Variants in PARP1 observed in about 807,000 individuals in gnomAD.
The protein encoded by PARP1 is poly [ADP-ribose] polymerase 1.
PARP1 carries 44 observed loss-of-function variants against 118.7 expected under a neutral mutation model. The observed-to-expected ratio is 0.37, with a 90% confidence interval of 0.29 to 0.48. PARP1 has a LOEUF of 0.48. Among genes scored for constraint, PARP1 ranks in the 20% least tolerant of loss-of-function variants. PARP1 has a pLI of 0.99. For missense variants in PARP1, 1,100 were observed against 1,272.4 expected (o/e 0.86, Z 2.06); for synonymous variants, 492 against 483.2 (o/e 1.02, Z -0.24).
chr1:226,406,194 T>C (rs1244965540), intron 1 of PARP1, among the ~76,000 whole-genome samples: 1 of 152,198 alleles, frequency 6.6e-6, no homozygotes, highest in Non-Finnish European at 1.5e-5. Context: ...TAGGGACTGC[T>C]AATATGCCTT....
At position 226,407,908 on chromosome 1, in the gene PARP1, G is replaced by A. The variant is rs1341567065; in HGVS notation, c.22C>T (p.Leu8Phe). The A allele has an allele frequency of 1.9e-6, 3 of 1,612,410 alleles. No homozygotes were observed. Among genetic ancestry groups the A allele is most frequent in the South Asian group, 2.2e-5 (2 of 91,036 alleles). ...CTCTTGGCGTACTCGACTCGATAGA[G>A]CTTATCCGAAGACTCCGCCATCCTC... is the stretch of plus-strand genomic sequence containing the variant. MAESSDK[L>F]YRVEYAKSGR... The change falls in exon 1 of 23, where the codon CTC (leucine) becomes TTC (phenylalanine). Residue 8 changes from leucine (L) to phenylalanine (F), a missense_variant. Leu to Phe is a conservative substitution (Grantham distance 22). Around this residue, in one of 2 missense-constraint regions of PARP1, gnomAD observed 948 missense variants for 1,031.8 expected, o/e 0.92. Coordinates refer to ENST00000366794, the MANE Select transcript of PARP1 (RefSeq NM_001618.4).
chr1:226,382,931 G>C lies in PARP1; in HGVS notation c.1159+105C>G, dbSNP rs982153275. 3.0e-6 allele frequency: 4 copies of C among 1,320,012 alleles called. No individual in the cohort carries two copies. In the African/African-American group the frequency reaches 4.3e-5, roughly 14 times the overall value. The allele number at this position is 1,320,012 out of a possible 1,614,324, so 81.8% of individuals were successfully genotyped here. A position where few individuals can be genotyped will look rare whatever the true frequency, so the allele number is the denominator to read the frequency against. On this transcript the variant is annotated intron_variant, in intron 8 of 22. Transcript: ENST00000366794. ...TTCCCCATGGTGGGGTCAGCAAAGA[G>C]AGACCCTTGACGGATACTTTCTTCA...
chr1:226,371,655 G>A (rs1156609472), intron 14 of PARP1, among the ~76,000 whole-genome samples: 2 of 152,192 alleles, frequency 1.3e-5, no homozygotes. Context: ...TACAATAAAA[G>A]AACAGAGTGA....
chr1:226,381,473 G>A (rs969083495), intron 8 of PARP1, among the ~76,000 whole-genome samples: 8 of 152,234 alleles, frequency 5.3e-5, no homozygotes, highest in Non-Finnish European at 1.2e-4. Flanking sequence ...AGGCAGCTGC[G>A]GGTTACCCCA....
At chr1:226,385,217 G>A (rs1201792470) in intron 7 of PARP1, among the ~76,000 whole-genome samples, 1 of 152,234 alleles carries the variant, frequency 6.6e-6, no homozygotes, top group Non-Finnish European at 1.5e-5. Flanking sequence ...GCCTAGAACT[G>A]TGCCTGGCAC....
In PARP1 at chr1:226,374,243, C is replaced by T. The variant is rs774134789; in HGVS notation, c.2053G>A (p.Ala685Thr). The T allele has an allele frequency of 8.7e-6, 14 of 1,614,170 alleles. No individual in the cohort carries two copies. Among genetic ancestry groups the T allele is most frequent in the South Asian group, 1.1e-5 (1 of 91,080 alleles). Residue 685 changes from alanine (A) to threonine (T), a missense_variant, in exon 14 of 23, where the codon GCC (alanine) becomes ACC (threonine). By Grantham distance (58) the Ala-to-Thr change is moderately conservative. Transcript: ENST00000366794. ...GCAATAACCTCATACTCCACCATGG[C>T]TTTCTTCATACTTTCCACATCAAAG... ...MIFDVESMKK[A>T]MVEYEIDLQK...
intron 2 of PARP1, among the ~76,000 whole-genome samples, chr1:226,393,489 G>A (rs1403670648): frequency 6.6e-6 from 1 of 152,120 alleles, no homozygotes; most frequent in East Asian, 1.9e-4. Context: ...ACAGAAAAAT[G>A]GATAAACAAA....
rs770245090 is a variant in PARP1 at position 226,368,170 on chromosome 1, C to G, written c.2277+29G>C. ...GTAGTCACACCCCAGCCCAGCAGAC[C>G]TGCAGTCCCTTCTGAACCCTTGCGC... On this transcript the variant is annotated intron_variant, in intron 16 of 22. Transcript: ENST00000366794. The G allele has an allele frequency of 9.9e-6, 16 of 1,613,846 alleles. No individual in the cohort carries two copies. The Middle Eastern group carries it at 4.9e-4, about 50-fold the overall frequency.
At chr1:226,366,177 A>G (rs1364473726) in intron 17 of PARP1, 125 bp from the exon 18 acceptor site, 1 of 722,518 alleles carries the variant, frequency 1.4e-6, no homozygotes, top group Non-Finnish European at 2.5e-6. Context: ...GGCATGACCG[A>G]GAGCCTGTGT....
intron 17 of PARP1, chr1:226,367,157 T>C (rs1329425374): frequency 2.6e-6 from 1 of 388,944 alleles, no homozygotes; most frequent in South Asian, 2.3e-5. Context: ...CCTCTCTAGA[T>C]TAAGGAGAGG....
At position 226,390,470 on chromosome 1, in the gene PARP1, A is replaced by T; in HGVS notation, c.557T>A (p.Leu186His). Residue 186 changes from leucine (L) to histidine (H), a missense_variant, in exon 4 of 23, where the codon CTC (leucine) becomes CAC (histidine). Coordinates refer to ENST00000366794, the MANE Select transcript of PARP1 (RefSeq NM_001618.4). ...GGCTTCTTTATCCTCTGTAGCAAGG[A>T]GGCTGAAGCCCTTGAGCTGACTCGC... The part of the protein sequence containing the change: ...YSASQLKGFS[L>H]LATEDKEALK... 6.2e-7 allele frequency: 1 copy of T among 1,614,130 alleles called. No individual in the cohort carries two copies. The highest frequency in any genetic ancestry group is 8.5e-7 in the Non-Finnish European group (1 of 1,180,024).
rs147825810 is a variant in PARP1 at position 226,365,976 on chromosome 1, G to A, written c.2483C>T (p.Ala828Val). ...TACATCGATGACTTCCAAGTCATAC[G>A]CATTGTGTGTGGTTGCATGAGTGTT... ...VKNTHATTHN[A>V]YDLEVIDIFK... The change falls in exon 18 of 23, where the codon GCG becomes GTG. Residue 828 changes from alanine (A) to valine (V), a missense_variant. By Grantham distance (64) the Ala-to-Val change is moderately conservative. Around this residue, in one of 2 missense-constraint regions of PARP1, gnomAD observed 152 missense variants for 240.6 expected, o/e 0.63. Coordinates refer to ENST00000366794, the MANE Select transcript of PARP1 (RefSeq NM_001618.4). 145 of 1,610,488 alleles carry A rather than the reference G, an allele frequency of 9.0e-5. No individual in the cohort carries two copies. The African/African-American group carries it at 1.7e-3, about 19-fold the overall frequency.
chr1:226,361,793 C>T (rs764014725), intron 22 of PARP1, 176 bp downstream of exon 22: 113 of 679,556 alleles, frequency 1.7e-4, no homozygotes, highest in Admixed American at 3.8e-4. Context: ...AAGGCTCATA[C>T]CCTGTAAGCC....
At position 226,379,614 on chromosome 1, in the gene PARP1, T is replaced by C. The variant is rs771043288; in HGVS notation, c.1571A>G (p.Lys524Arg). The C allele has an allele frequency of 5.0e-6, 8 of 1,612,424 alleles. No homozygotes were observed. Among genetic ancestry groups the C allele is most frequent in the Non-Finnish European group, 6.8e-6 (8 of 1,178,962 alleles). Residue 524 changes from lysine (K) to arginine (R), a missense_variant, in exon 11 of 23, where the codon AAA becomes AGA. Lys to Arg is a conservative substitution (Grantham distance 26). Transcript: ENST00000366794. ...AGCTGCTCCTCCTTTAAGAGTTAATTTCATTCTCTTTTCAGATTTGTTGAT... is the reference window on the plus strand; with the variant it reads ...AGCTGCTCCTCCTTTAAGAGTTAATCTCATTCTCTTTTCAGATTTGTTGAT... ...EGINKSEKRM[K>R]LTLKGGAAVD...
chr1:226,378,707 C>T (rs909078988), intron 12 of PARP1, among the ~76,000 whole-genome samples: 2 of 152,028 alleles, frequency 1.3e-5, no homozygotes, highest in African/African-American at 4.8e-5. Flanking sequence ...TGGTGGTGCG[C>T]ACCTATAGTC....
intron 5 of PARP1, among the ~76,000 whole-genome samples, chr1:226,388,257 C>T (rs1422024065): frequency 6.6e-6 from 1 of 152,182 alleles, no homozygotes; most frequent in African/African-American, 2.4e-5. Context: ...AGCCATTTGT[C>T]TATGCTAAGA....
chr1:226,377,219 G>T lies in PARP1; in HGVS notation c.1830C>A (p.Ala610=). ...KLEQMPSKED[A]IEHFMKLYEE... Reference sequence around the variant, plus strand: ...CATATAATTTCATGAAGTGCTCAATGGCATCCTCCTTGGACGGCATCTGTT... The same window carrying T: ...CATATAATTTCATGAAGTGCTCAATTGCATCCTCCTTGGACGGCATCTGTT... Residue 610 remains alanine, a synonymous_variant, in exon 13 of 23, where the codon GCC becomes GCA. Coordinates refer to ENST00000366794, the MANE Select transcript of PARP1 (RefSeq NM_001618.4). 1.9e-6 allele frequency: 3 copies of T among 1,614,002 alleles called. No homozygotes were observed. The highest frequency in any genetic ancestry group is 2.5e-6 in the Non-Finnish European group (3 of 1,179,930).
chr1:226,403,542 T>G (rs1417765), intron 1 of PARP1, among the ~76,000 whole-genome samples: 64,176 of 152,038 alleles, frequency 0.42, 14,601 homozygotes, highest in East Asian at 0.81. Flanking sequence ...ATGTAGTGTG[T>G]GTCCCTGCTC....
intron 12 of PARP1, among the ~76,000 whole-genome samples, chr1:226,378,347 C>T (rs958616239): frequency 2.2e-4 from 34 of 151,876 alleles, no homozygotes; most frequent in Admixed American, 3.3e-4. Context: ...CAACCTCTCA[C>T]CACCTCCCAG....
Sources: allele counts gnomAD v4.1 joint callset (sites outside exome capture counted in the v4.1 genomes callset), GRCh38; gene constraint gnomAD v4.1.1; regional missense constraint gnomAD v4.1.1; transcripts MANE v1.5; gene names NCBI Gene and HGNC (gene_info 2026-07-23, HGNC 2026-07-21).